The following DENND2B variants were observed in gnomAD, a reference collection of about 807,000 sequenced individuals.
DENND2B encodes the protein DENN domain-containing protein 2B.
In DENND2B, 32 loss-of-function variants were observed where a neutral mutation model predicts 116.0. That is an observed-to-expected ratio of 0.28 (90% CI 0.21 to 0.37). The LOEUF is 0.37. DENND2B is among the 10% of genes least tolerant of loss of function. The pLI is 1.00. For synonymous variants in DENND2B, 588 were observed against 583.9 expected (o/e 1.01, Z -0.10); for missense variants, 1,276 against 1,477.7 (o/e 0.86, Z 2.24).
chr11:8,902,122 T>TC, intron 1 of DENND2B, among the ~76,000 whole-genome samples: 1 of 152,178 alleles, frequency 6.6e-6, no homozygotes, highest in Admixed American at 6.5e-5. Flanking sequence ...GGTCAGGAGT[T>TC]CAAGACCAGC....
intron 16 of DENND2B, among the ~76,000 whole-genome samples, chr11:8,698,168 G>GAAAAAAAAA (rs1314163895): frequency 1.2e-5 from 1 of 84,792 alleles, no homozygotes; most frequent in Non-Finnish European, 3.1e-5. Flanking sequence ...AAAAAAAAAG[G>GAAAAAAAAA]GGGTAGAGCC....
At chr11:8,863,997 T>C (rs1289738858) in intron 2 of DENND2B, among the ~76,000 whole-genome samples, 1 of 152,114 alleles carries the variant, frequency 6.6e-6, no homozygotes, top group East Asian at 1.9e-4. Flanking sequence ...AAGACAGCTA[T>C]TGAGTGGCAC....
intron 1 of DENND2B, among the ~76,000 whole-genome samples, chr11:8,882,229 A>C (rs902385104): frequency 3.3e-5 from 5 of 152,162 alleles, no homozygotes; most frequent in Non-Finnish European, 7.3e-5. Context: ...CTATGCTCCA[A>C]TCTCATAAAC....
chr11:8,777,638 C>G (rs1405237489), intron 1 of DENND2B, among the ~76,000 whole-genome samples: 1 of 152,208 alleles, frequency 6.6e-6, no homozygotes, highest in African/African-American at 2.4e-5. Flanking sequence ...GAATCAAGTG[C>G]TCAAAGCTAC....
At chr11:8,714,835 G>T in intron 6 of DENND2B, 129 bp from the exon 7 acceptor site, 1 of 760,968 alleles carries the variant, frequency 1.3e-6, no homozygotes, top group Non-Finnish European at 2.1e-6. Context: ...CTGGGTCCAG[G>T]ACTGGTCTAA....
At chr11:8,771,566 A>AGAGAGAGAGAGAGAGAGAGCGAGC (rs146752028) in intron 1 of DENND2B, 37 of 120,302 alleles carry the variant, frequency 3.1e-4, no homozygotes, top group Admixed American at 5.0e-4. Context: ...AGAGAGAGAG[A>AGAGAGAGAGAGAGAGAGAGCGAGC]GCCTTCTTCC....
rs982892488 is a variant in DENND2B, at chr11:8,701,361, G to T, written c.2720+1211C>A. 2.8e-3 allele frequency among the ~76,000 whole-genome samples: 28 copies of T among 10,036 alleles called. 5 individuals carry two copies. The highest frequency in any genetic ancestry group is 5.4e-3 in the Non-Finnish European group (24 of 4,470). 6.6% of individuals were successfully genotyped at this position (10,036 alleles called of 152,430 possible). A position where few individuals can be genotyped will look rare whatever the true frequency, so the allele number is the denominator to read the frequency against. On this transcript the variant is annotated intron_variant, in intron 14 of 19. Transcript: ENST00000313726. ...CCAGCTTCCGGGGGGGGGGGGGGGA[G>T]GGGCTACATGAATGACATGCCTGGT... is the stretch of plus-strand genomic sequence containing the variant.
chr11:8,729,825 A>T, intron 3 of DENND2B, 125 bp downstream of exon 3: 1 of 1,279,860 alleles, frequency 7.8e-7, no homozygotes, highest in South Asian at 1.4e-5. Context: ...CCTAACAATT[A>T]TTCAGCACTT....
intron 2 of DENND2B, chr11:8,877,270 A>AT (rs897798808): frequency 8.6e-5 from 13 of 151,270 alleles, no homozygotes; most frequent in African/African-American, 1.5e-4. Flanking sequence ...TGCCCAGCTA[A>AT]TTTTTTTTGT....
intron 1 of DENND2B, among the ~76,000 whole-genome samples, chr11:8,888,308 T>C (rs2063985269): frequency 1.3e-5 from 2 of 152,204 alleles, no homozygotes. Flanking sequence ...ATGTCAGTGA[T>C]CTGTGCTCTG....
At chr11:8,718,199 T>C (rs2045404323) in intron 4 of DENND2B, 3 of 744,760 alleles carry the variant, frequency 4.0e-6, no homozygotes. Flanking sequence ...CCCCTGCCTG[T>C]GCCCAGCCAG....
Position 8,799,583 on chromosome 11 carries a change from TA to T in DENND2B, c.-26+10933del, listed in dbSNP as rs1357904511. 4.4e-5 allele frequency among the ~76,000 whole-genome samples: 5 copies of T among 113,698 alleles called. No individual in the cohort carries two copies. In the South Asian group the frequency reaches 1.1e-3, roughly 25 times the overall value. The allele number at this position is 113,698 out of a possible 152,430, so 74.6% of individuals were successfully genotyped here. On this transcript the variant is annotated intron_variant, in intron 1 of 19. Coordinates refer to ENST00000313726, the MANE Select transcript of DENND2B (RefSeq NM_213618.2). Reference sequence around the variant, plus strand: ...TCTCTTTTTTTTTTTTTTTTTTTTTTAAGAGACAGTGTCTTGCTATGTTGCT... The same window carrying T: ...TCTCTTTTTTTTTTTTTTTTTTTTTTAGAGACAGTGTCTTGCTATGTTGCT...
intron 4 of DENND2B, among the ~76,000 whole-genome samples, chr11:8,824,594 T>C (rs2061899444): frequency 6.6e-6 from 1 of 152,224 alleles, no homozygotes; most frequent in Non-Finnish European, 1.5e-5. Context: ...TTAACCAGTC[T>C]ACTGCGATGG....
chr11:8,750,021 T>C (rs1429974491), intron 2 of DENND2B, among the ~76,000 whole-genome samples: 1 of 152,228 alleles, frequency 6.6e-6, no homozygotes, highest in Non-Finnish European at 1.5e-5. Flanking sequence ...CACTGACATA[T>C]ATTATCTCAT....
intron 1 of DENND2B, among the ~76,000 whole-genome samples, chr11:8,797,841 A>G (rs2059968101): frequency 6.6e-6 from 1 of 151,946 alleles, no homozygotes; most frequent in African/African-American, 2.4e-5. Context: ...TTGTGCCACC[A>G]TCCTCCACCC....
At chr11:8,776,146 GCACGCGCGCGCGCGCACA>G (rs1258969631) in intron 1 of DENND2B, 15 of 292,398 alleles carry the variant, frequency 5.1e-5, no homozygotes, top group South Asian at 1.6e-4. Flanking sequence ...GCACGTGCGC[GCACGCGCGCGCGCGCACA>G]CACACACACA....
At chr11:8,701,641 C>A (rs148923519) in intron 14 of DENND2B, among the ~76,000 whole-genome samples, 1 of 152,246 alleles carries the variant, frequency 6.6e-6, no homozygotes, top group Non-Finnish European at 1.5e-5. Context: ...CCTAGTGTTC[C>A]TGCACTCATC....
chr11:8,892,294 G>A (rs79434948), intron 1 of DENND2B, among the ~76,000 whole-genome samples: 1 of 152,034 alleles, frequency 6.6e-6, no homozygotes, highest in African/African-American at 2.4e-5. Context: ...AAGCAGGAAA[G>A]ATCTAAAATT....
chr11:8,883,366 G>A (rs1057055107), intron 1 of DENND2B, among the ~76,000 whole-genome samples: 29 of 152,214 alleles, frequency 1.9e-4, no homozygotes, highest in African/African-American at 5.5e-4. Flanking sequence ...CTTAACTAGA[G>A]CACTGCTACT....
Sources: allele counts gnomAD v4.1 joint callset (sites outside exome capture counted in the v4.1 genomes callset), GRCh38; gene constraint gnomAD v4.1.1; transcripts MANE v1.5; gene names NCBI Gene and HGNC (gene_info 2026-07-23, HGNC 2026-07-21).